LPCAT2: variants seen among roughly 807,000 people sequenced by gnomAD.
The protein encoded by LPCAT2 is lysophosphatidylcholine acyltransferase 2.
Under a neutral mutation model 64.7 loss-of-function variants are expected in LPCAT2, and 58 were observed. That is an observed-to-expected ratio of 0.90 (90% CI 0.73 to 1.12). The LOEUF (loss-of-function observed/expected upper bound fraction) is 1.12. LPCAT2 is among the 50% of genes most tolerant of loss of function. LPCAT2 has a pLI of 0.00. For missense variants in LPCAT2, 579 were observed against 669.8 expected (o/e 0.86, Z 1.50); for synonymous variants, 252 against 245.3 (o/e 1.03, Z -0.26).
Position 55,528,530 on chromosome 16 carries a change from T to C in LPCAT2, c.465T>C (p.Cys155=). The C allele has an allele frequency of 6.2e-7, 1 of 1,614,020 alleles. No homozygotes were observed. Among genetic ancestry groups the C allele is most frequent in the South Asian group, 1.1e-5 (1 of 91,080 alleles). ...CAACATTCTTTGATGGAATTGCCTG[T>C]GTTGTAGCTGGGTTACCTTCTATGG... is the stretch of plus-strand genomic sequence containing the variant. ...PHSTFFDGIA[C]VVAGLPSMVS... Residue 155 remains cysteine (C), a synonymous_variant, in exon 3 of 14, where the codon TGT becomes TGC. Coordinates refer to ENST00000262134, the MANE Select transcript of LPCAT2 (RefSeq NM_017839.5).
At chr16:55,520,921 T>G (rs1200388106) in intron 1 of LPCAT2, among the ~76,000 whole-genome samples, 1 of 151,864 alleles carries the variant, frequency 6.6e-6, no homozygotes, top group Non-Finnish European at 1.5e-5. Context: ...ATTAATGATT[T>G]AAGTTTTTAC....
intron 1 of LPCAT2, among the ~76,000 whole-genome samples, chr16:55,517,752 C>T (rs755976419): frequency 6.6e-6 from 1 of 151,978 alleles, no homozygotes; most frequent in Non-Finnish European, 1.5e-5. Context: ...CACAGAAAAA[C>T]GATTTGACTC....
chr16:55,582,880 C>T (rs1963902031), intron 13 of LPCAT2, 34 bp from the exon 14 acceptor site: 3 of 1,451,440 alleles, frequency 2.1e-6, no homozygotes, highest in African/African-American at 2.8e-5. Flanking sequence ...AAGATTCACC[C>T]CAACTTATTG....
In LPCAT2 at chr16:55,566,877, G is replaced by A. The variant is rs762054290; in HGVS notation, c.1216-7754G>A. ...AGGAGGAAGAAATATTGGAGGGATA[G>A]TTGGAGGAATTGTGAATTTTATCAG... is the stretch of plus-strand genomic sequence containing the variant. On this transcript the variant is annotated intron_variant, in intron 11 of 13. Transcript: ENST00000262134. 51 of 1,613,746 alleles carry A rather than the reference G, an allele frequency of 3.2e-5. No homozygotes were observed. In the Middle Eastern group the frequency reaches 4.9e-4, roughly 16 times the overall value.
In LPCAT2 at chr16:55,566,784, G is replaced by A. The variant is rs1484951014; in HGVS notation, c.1216-7847G>A. ...GTTTCTTGCAAAGGCTCTATTGGAA[G>A]GAGCAGATCGAGGTCTTGGAGAAGC... On this transcript the variant is annotated intron_variant, in intron 11 of 13. Coordinates refer to ENST00000262134, the MANE Select transcript of LPCAT2 (RefSeq NM_017839.5). 4.3e-6 allele frequency: 7 copies of A among 1,613,384 alleles called. No individual in the cohort carries two copies. In the African/African-American group the frequency reaches 5.3e-5, roughly 12 times the overall value.
chr16:55,534,109 A>C (rs1183101971), intron 6 of LPCAT2, among the ~76,000 whole-genome samples: 1 of 151,932 alleles, frequency 6.6e-6, no homozygotes, highest in Non-Finnish European at 1.5e-5. Context: ...TTGAAAACGG[A>C]TATATTCTGA....
At chr16:55,516,861 C>T (rs1177876757) in intron 1 of LPCAT2, among the ~76,000 whole-genome samples, 1 of 152,002 alleles carries the variant, frequency 6.6e-6, no homozygotes, top group Non-Finnish European at 1.5e-5. Flanking sequence ...GAACATTTGC[C>T]AAGGTAGGTC....
At chr16:55,576,780 G>C (rs1194751039) in intron 12 of LPCAT2, among the ~76,000 whole-genome samples, 1 of 152,136 alleles carries the variant, frequency 6.6e-6, no homozygotes, top group African/African-American at 2.4e-5. Flanking sequence ...TCATGCATGG[G>C]GTTTACCTTA....
chr16:55,529,336 T>C (rs1025774568), intron 3 of LPCAT2, among the ~76,000 whole-genome samples: 3 of 152,138 alleles, frequency 2.0e-5, no homozygotes, highest in African/African-American at 4.8e-5. Flanking sequence ...CCATGCTTTG[T>C]GTAATATGGC....
At chr16:55,516,973 CAG>C (rs1963021543) in intron 1 of LPCAT2, among the ~76,000 whole-genome samples, 1 of 151,914 alleles carries the variant, frequency 6.6e-6, no homozygotes, top group Non-Finnish European at 1.5e-5. Flanking sequence ...AAATCAATAA[CAG>C]AAAAAATTTG....
chr16:55,550,881 G>T (rs1963508640), intron 10 of LPCAT2, 68 bp from the exon 11 acceptor site: 1 of 1,225,914 alleles, frequency 8.2e-7, no homozygotes, highest in South Asian at 2.3e-5. Flanking sequence ...ATAAAATAAT[G>T]ATCATAAAAT....
At chr16:55,552,876 T>C (rs1963533040) in intron 11 of LPCAT2, among the ~76,000 whole-genome samples, 1 of 152,126 alleles carries the variant, frequency 6.6e-6, no homozygotes, top group South Asian at 2.1e-4. Flanking sequence ...GGGCTGGTTG[T>C]GGCACTTTAA....
intron 1 of LPCAT2, among the ~76,000 whole-genome samples, chr16:55,509,938 A>G (rs1435016444): frequency 3.4e-5 from 5 of 145,170 alleles, no homozygotes. Flanking sequence ...ACTTGAGTTT[A>G]TGAGAGTGTA....
At chr16:55,524,664 C>T (rs1558665) in intron 1 of LPCAT2, among the ~76,000 whole-genome samples, 72,963 of 151,706 alleles carry the variant, frequency 0.48, 18,199 homozygotes, top group Non-Finnish European at 0.55. Context: ...AGCCTACTAT[C>T]TGAGTAATAT....
At chr16:55,541,237 G>A (rs1326188157) in intron 8 of LPCAT2, 1 of 151,984 alleles carries the variant, frequency 6.6e-6, no homozygotes, top group Non-Finnish European at 1.5e-5. Context: ...CTAGCATTAG[G>A]CCTAAAATAC....
In LPCAT2 at chr16:55,579,146, A is replaced by G. The variant is rs759627692; in HGVS notation, c.1352A>G (p.Glu451Gly). The part of the protein sequence containing the change: ...DVDEDGYITE[E>G]EFSTILQASL... ...GATGAGGATGGCTACATAACGGAGG[A>G]AGAGTTCTCCACCATTCTACAGGCT... is the stretch of plus-strand genomic sequence containing the variant. The change falls in exon 13 of 14, where the codon GAA becomes GGA. Residue 451 changes from glutamate (E) to glycine (G), a missense_variant. Coordinates refer to ENST00000262134, the MANE Select transcript of LPCAT2 (RefSeq NM_017839.5). 5 of 1,613,286 alleles carry G rather than the reference A, an allele frequency of 3.1e-6. No individual in the cohort carries two copies. In the African/African-American group the frequency reaches 6.7e-5, roughly 22 times the overall value.
intron 8 of LPCAT2, chr16:55,541,298 T>A (rs1237075532): frequency 6.6e-6 from 1 of 152,164 alleles, no homozygotes; most frequent in Non-Finnish European, 1.5e-5. Flanking sequence ...TTTGTTTTTT[T>A]AATTTAAAAA....
chr16:55,565,632 T>C (rs1403312397), intron 11 of LPCAT2, among the ~76,000 whole-genome samples: 42 of 152,048 alleles, frequency 2.8e-4, no homozygotes, highest in Non-Finnish European at 7.4e-5. Context: ...ATTCCACTTA[T>C]ATAAGGCATG....
intron 11 of LPCAT2, among the ~76,000 whole-genome samples, chr16:55,565,903 GA>G (rs1319437940): frequency 6.6e-6 from 1 of 152,058 alleles, no homozygotes; most frequent in Non-Finnish European, 1.5e-5. Flanking sequence ...TTTTTATAAT[GA>G]AAAAGGAATA....
Sources: allele counts gnomAD v4.1 joint callset (sites outside exome capture counted in the v4.1 genomes callset), GRCh38; gene constraint gnomAD v4.1.1; transcripts MANE v1.5; gene names NCBI Gene and HGNC (gene_info 2026-07-23, HGNC 2026-07-21).